Variants in CCDC102B observed in about 807,000 individuals in gnomAD.
The protein encoded by CCDC102B is coiled-coil domain-containing protein 102B.
CCDC102B carries 75 observed loss-of-function variants against 57.4 expected under a neutral mutation model. The ratio of observed to expected loss-of-function variants is 1.31; its 90% CI spans 1.08 to 1.58. The LOEUF (loss-of-function observed/expected upper bound fraction) is 1.58. Among genes scored for constraint, CCDC102B ranks in the 40% most tolerant of loss-of-function variants. CCDC102B has a pLI of 0.00. For missense variants in CCDC102B, 636 were observed against 582.6 expected (o/e 1.09, Z -0.94); for synonymous variants, 206 against 201.9 (o/e 1.02, Z -0.17).
intron 6 of CCDC102B, among the ~76,000 whole-genome samples, chr18:69,000,203 A>C: frequency 6.6e-6 from 1 of 152,224 alleles, no homozygotes; most frequent in East Asian, 1.9e-4. Flanking sequence ...ATGTATAAAA[A>C]GCATTATGAA....
At chr18:68,975,172 C>T (rs902007308) in intron 6 of CCDC102B, among the ~76,000 whole-genome samples, 1 of 151,976 alleles carries the variant, frequency 6.6e-6, no homozygotes, top group African/African-American at 2.4e-5. Flanking sequence ...AATGCCAGCT[C>T]TGTCTATACT....
intron 6 of CCDC102B, among the ~76,000 whole-genome samples, chr18:68,980,214 G>A (rs1227915341): frequency 6.6e-6 from 1 of 151,010 alleles, no homozygotes; most frequent in South Asian, 2.1e-4. Flanking sequence ...CATTCTTAGT[G>A]GTCCAAGATA....
chr18:68,920,850 C>T (rs1057106859), intron 6 of CCDC102B, among the ~76,000 whole-genome samples: 2 of 152,028 alleles, frequency 1.3e-5, no homozygotes, highest in African/African-American at 2.4e-5. Flanking sequence ...CCTTTTGGCA[C>T]GTGGGAATTA....
intron 5 of CCDC102B, among the ~76,000 whole-genome samples, chr18:68,883,255 C>CA (rs1366386527): frequency 1.3e-5 from 2 of 151,618 alleles, no homozygotes; most frequent in South Asian, 2.1e-4. Context: ...AAAAAAAATA[C>CA]AAAAAAATTG....
At chr18:68,917,780 C>T (rs1034134370) in intron 6 of CCDC102B, among the ~76,000 whole-genome samples, 31 of 152,070 alleles carry the variant, frequency 2.0e-4, no homozygotes, top group African/African-American at 6.3e-4. Context: ...CCAAGAATCG[C>T]TATGTTTTGT....
chr18:68,728,185 A>G (rs796633409), intron 2 of CCDC102B, among the ~76,000 whole-genome samples: 2 of 152,296 alleles, frequency 1.3e-5, no homozygotes, highest in African/African-American at 4.8e-5. Flanking sequence ...CTGAAGCTCA[A>G]ATTTCTTATA....
Position 69,054,067 on chromosome 18 carries a change from G to C in CCDC102B, c.1472G>C (p.Arg491Thr). 6.2e-7 allele frequency: 1 copy of C among 1,606,622 alleles called. No individual in the cohort carries two copies. Among genetic ancestry groups the C allele is most frequent in the Non-Finnish European group, 8.5e-7 (1 of 1,177,918 alleles). The change falls in exon 8 of 8, where the codon AGG (arginine) becomes ACG (threonine). Residue 491 changes from arginine (R) to threonine (T), a missense_variant. Transcript: ENST00000360242. ...CTGAATCAGATCCGTAAGCTCCAGAGGTCTCTGGATGAAGAGAAAGAAAGA... is the reference window on the plus strand; with the variant it reads ...CTGAATCAGATCCGTAAGCTCCAGACGTCTCTGGATGAAGAGAAAGAAAGA... ...DSLNQIRKLQRSLDEEKERNE... is the reference protein window; with the variant it reads ...DSLNQIRKLQTSLDEEKERNE...
chr18:68,759,725 T>C (rs1303578653), intron 2 of CCDC102B, among the ~76,000 whole-genome samples: 2 of 151,776 alleles, frequency 1.3e-5, no homozygotes, highest in African/African-American at 2.4e-5. Flanking sequence ...AATGAGGGAG[T>C]AAACCGAAAG....
At chr18:69,047,891 A>G (rs1289494276) in intron 7 of CCDC102B, among the ~76,000 whole-genome samples, 1 of 152,130 alleles carries the variant, frequency 6.6e-6, no homozygotes, top group Non-Finnish European at 1.5e-5. Flanking sequence ...TATGACAAAA[A>G]CAAATGGAAA....
At chr18:68,751,743 A>T (rs1213579351) in intron 2 of CCDC102B, among the ~76,000 whole-genome samples, 1 of 152,192 alleles carries the variant, frequency 6.6e-6, no homozygotes, top group Non-Finnish European at 1.5e-5. Context: ...ATGAGTATTG[A>T]TTATGCTTAG....
chr18:68,880,465 G>T (rs1332179350), intron 5 of CCDC102B, among the ~76,000 whole-genome samples: 1 of 152,208 alleles, frequency 6.6e-6, no homozygotes, highest in Non-Finnish European at 1.5e-5. Flanking sequence ...TGGGCTGAAG[G>T]GCTCCTCAAG....
chr18:68,823,049 T>A (rs1408654745), intron 1 of CCDC102B, among the ~76,000 whole-genome samples: 2 of 152,138 alleles, frequency 1.3e-5, no homozygotes, highest in Non-Finnish European at 2.9e-5. Flanking sequence ...AAGCCTTCAT[T>A]TCAGCCTTTG....
chr18:68,797,852 C>T (rs903522835), upstream of CCDC102B, among the ~76,000 whole-genome samples: 1 of 149,604 alleles, frequency 6.7e-6, no homozygotes, highest in Non-Finnish European at 1.5e-5. Context: ...TGGATCAAGG[C>T]GTGGGTGTCT....
chr18:68,861,239 T>A (rs1432865481), intron 4 of CCDC102B, among the ~76,000 whole-genome samples: 1 of 152,184 alleles, frequency 6.6e-6, no homozygotes, highest in African/African-American at 2.4e-5. Flanking sequence ...TTATGGTTTT[T>A]TTGACGACTA....
At chr18:68,911,050 A>C (rs2040825638) in intron 6 of CCDC102B, among the ~76,000 whole-genome samples, 1 of 152,202 alleles carries the variant, frequency 6.6e-6, no homozygotes, top group Non-Finnish European at 1.5e-5. Context: ...GCTGAAAAAC[A>C]GAACCGCCGT....
chr18:68,919,766 T>C (rs1327538557), intron 6 of CCDC102B, among the ~76,000 whole-genome samples: 3 of 152,208 alleles, frequency 2.0e-5, no homozygotes, highest in Admixed American at 6.5e-5. Flanking sequence ...AAAGGTGGTA[T>C]TGAGATATTG....
intron 6 of CCDC102B, among the ~76,000 whole-genome samples, chr18:68,995,639 G>A (rs1211278754): frequency 6.6e-6 from 1 of 152,086 alleles, no homozygotes; most frequent in Non-Finnish European, 1.5e-5. Flanking sequence ...AGATTTCAGA[G>A]GATGTATGGA....
intron 2 of CCDC102B, among the ~76,000 whole-genome samples, chr18:68,747,237 C>T (rs2033655672): frequency 6.6e-6 from 1 of 151,956 alleles, no homozygotes; most frequent in African/African-American, 2.4e-5. Context: ...TCTTTCTCTG[C>T]TCCCCTTCCC....
At chr18:68,834,054 T>A (rs976062156) in intron 1 of CCDC102B, among the ~76,000 whole-genome samples, 8 of 152,104 alleles carry the variant, frequency 5.3e-5, no homozygotes, top group Non-Finnish European at 1.2e-4. Flanking sequence ...TTAACCAGTC[T>A]CATCTCAAGC....
Sources: gnomAD v4.1 joint callset for allele counts (sites outside exome capture counted in the v4.1 genomes callset) on GRCh38, gnomAD v4.1.1 for gene constraint, MANE v1.5 for transcripts, NCBI Gene and HGNC (gene_info 2026-07-23, HGNC 2026-07-21) for gene names.